Variants in CSMD1 observed in about 807,000 individuals in gnomAD.
The protein encoded by CSMD1 is CUB and sushi domain-containing protein 1.
In CSMD1, 213 loss-of-function variants were observed where a neutral mutation model predicts 417.5. The observed-to-expected ratio is 0.51, with a 90% CI of 0.46 to 0.57. The LOEUF is 0.57. Ranked by LOEUF, CSMD1 falls within the 20% of genes least tolerant of loss-of-function variation. CSMD1 has a pLI of 0.00. For missense variants in CSMD1, 6,923 were observed against 4,529.7 expected (o/e 1.53, Z -15.17); for synonymous variants, 2,862 against 1,736.8 (o/e 1.65, Z -16.11).
At chr8:4,070,208 T>C (rs932466096) in intron 3 of CSMD1, among the ~76,000 whole-genome samples, 4 of 152,194 alleles carry the variant, frequency 2.6e-5, no homozygotes, top group Admixed American at 2.0e-4. Context: ...TTTTCTGTGT[T>C]TCTTGTCTTT....
chr8:4,350,480 C>G (rs1354132398), intron 3 of CSMD1, among the ~76,000 whole-genome samples: 1 of 152,172 alleles, frequency 6.6e-6, no homozygotes, highest in Non-Finnish European at 1.5e-5. Context: ...TGCTACAAAC[C>G]ACACATAAAG....
chr8:4,457,896 C>G (rs149385927), intron 2 of CSMD1, among the ~76,000 whole-genome samples: 3 of 152,120 alleles, frequency 2.0e-5, no homozygotes, highest in Non-Finnish European at 4.4e-5. Flanking sequence ...CCGTAGTGAA[C>G]GTCTCCATTT....
chr8:3,674,080 T>G (rs1799237484), intron 7 of CSMD1, among the ~76,000 whole-genome samples: 1 of 152,068 alleles, frequency 6.6e-6, no homozygotes, highest in Admixed American at 6.6e-5. Context: ...CACTCCAGCT[T>G]GAGTGACAGA....
At chr8:3,945,786 A>C (rs1432611489) in intron 5 of CSMD1, among the ~76,000 whole-genome samples, 1 of 152,114 alleles carries the variant, frequency 6.6e-6, no homozygotes, top group African/African-American at 2.4e-5. Context: ...AGTAGATGAG[A>C]AGCAATTTCA....
chr8:4,339,950 A>G (rs1005834610), intron 3 of CSMD1, among the ~76,000 whole-genome samples: 11 of 152,182 alleles, frequency 7.2e-5, no homozygotes, highest in African/African-American at 2.2e-4. Flanking sequence ...ACTTGAGTTC[A>G]TAAGTTGGAG....
intron 5 of CSMD1, among the ~76,000 whole-genome samples, chr8:3,889,980 C>G (rs553010290): frequency 2.6e-4 from 39 of 152,042 alleles, no homozygotes; most frequent in Non-Finnish European, 5.0e-4. Context: ...CCCAGGAGCT[C>G]GAGACAACCC....
intron 23 of CSMD1, among the ~76,000 whole-genome samples, chr8:3,337,069 G>C (rs1325059810): frequency 6.6e-6 from 1 of 152,036 alleles, no homozygotes; most frequent in Non-Finnish European, 1.5e-5. Flanking sequence ...GCCAGGCCTT[G>C]CTGTCCCCCT....
intron 5 of CSMD1, among the ~76,000 whole-genome samples, chr8:3,828,338 T>G (rs1369308500): frequency 1.3e-5 from 2 of 152,212 alleles, no homozygotes; most frequent in Non-Finnish European, 2.9e-5. Context: ...ATAATGAATC[T>G]ATAATTAAGA....
intron 2 of CSMD1, among the ~76,000 whole-genome samples, chr8:4,432,271 C>T (rs921399584): frequency 6.6e-6 from 1 of 152,038 alleles, no homozygotes; most frequent in Non-Finnish European, 1.5e-5. Context: ...TAACTGTTTT[C>T]CAGGTGTAGG....
intron 7 of CSMD1, among the ~76,000 whole-genome samples, chr8:3,684,582 G>A (rs969276492): frequency 1.4e-5 from 2 of 147,952 alleles, no homozygotes; most frequent in African/African-American, 5.0e-5. Context: ...CCCAGTTGCA[G>A]ATACTGATAC....
intron 1 of CSMD1, among the ~76,000 whole-genome samples, chr8:4,742,310 A>G (rs1585028840): frequency 2.0e-5 from 3 of 151,966 alleles, no homozygotes; most frequent in South Asian, 4.2e-4. Context: ...GATTATAGGC[A>G]TGAGCCACTG....
At chr8:3,970,265 G>A (rs776120378) in intron 5 of CSMD1, among the ~76,000 whole-genome samples, 3 of 152,200 alleles carry the variant, frequency 2.0e-5, no homozygotes, top group African/African-American at 7.2e-5. Context: ...CCAGAACGCT[G>A]TATGTCCGAA....
chr8:2,958,791 T>A (rs979190205), intron 62 of CSMD1, among the ~76,000 whole-genome samples: 1 of 152,234 alleles, frequency 6.6e-6, no homozygotes, highest in African/African-American at 2.4e-5. Flanking sequence ...CCCCTCTTGT[T>A]TCTTGCTCTG....
chr8:4,793,905 G>A (rs1161947585), intron 1 of CSMD1, among the ~76,000 whole-genome samples: 1 of 151,504 alleles, frequency 6.6e-6, no homozygotes, highest in Admixed American at 6.6e-5. Context: ...CATGTCTGAT[G>A]AATAAAAATG....
At chr8:3,226,285 G>A (rs965972666) in intron 27 of CSMD1, among the ~76,000 whole-genome samples, 11 of 152,088 alleles carry the variant, frequency 7.2e-5, no homozygotes, top group Middle Eastern at 3.4e-3. Flanking sequence ...CACTTTACTC[G>A]GAATAAGGAA....
intron 1 of CSMD1, among the ~76,000 whole-genome samples, chr8:4,901,339 A>G (rs1180160177): frequency 1.3e-5 from 2 of 152,240 alleles, no homozygotes; most frequent in Non-Finnish European, 2.9e-5. Flanking sequence ...TTTCAGGTAT[A>G]ATGGTATTAG....
At chr8:3,568,471 T>G (rs1217455689) in intron 10 of CSMD1, among the ~76,000 whole-genome samples, 1 of 152,132 alleles carries the variant, frequency 6.6e-6, no homozygotes, top group Non-Finnish European at 1.5e-5. Context: ...ACGTTTTGAG[T>G]TTTTTAAATC....
At chr8:4,538,068 A>G (rs1797190403) in intron 2 of CSMD1, among the ~76,000 whole-genome samples, 1 of 152,098 alleles carries the variant, frequency 6.6e-6, no homozygotes, top group Non-Finnish European at 1.5e-5. Context: ...CTCTCCAATA[A>G]TTCTGGAGAC....
chr8:4,976,964 G>T (rs1322539102), intron 1 of CSMD1, among the ~76,000 whole-genome samples: 1 of 152,146 alleles, frequency 6.6e-6, no homozygotes, highest in African/African-American at 2.4e-5. Flanking sequence ...AGATGCTGTT[G>T]TCTTTCTCTC....
Sources: allele counts gnomAD v4.1 joint callset (sites outside exome capture counted in the v4.1 genomes callset), GRCh38; gene constraint gnomAD v4.1.1; transcripts MANE v1.5; gene names NCBI Gene and HGNC (gene_info 2026-07-23, HGNC 2026-07-21).